Variants in KCNMA1 observed in about 807,000 individuals in gnomAD.
KCNMA1 encodes the protein Calcium-activated potassium channel subunit alpha-1.
Under a neutral mutation model 140.0 loss-of-function variants are expected in KCNMA1, and 29 were observed. The ratio of observed to expected loss-of-function variants is 0.21; its 90% CI spans 0.15 to 0.28. The LOEUF (loss-of-function observed/expected upper bound fraction) is 0.28. Ranked by LOEUF, KCNMA1 falls within the 10% of genes least tolerant of loss-of-function variation. The pLI is 1.00. For missense variants in KCNMA1, 880 were observed against 1,602.2 expected, an observed-to-expected ratio of 0.55 and a Z score of 7.70; for synonymous variants, 612 against 611.9, an observed-to-expected ratio of 1.00 and a Z score of 0.00.
intron 1 of KCNMA1, among the ~76,000 whole-genome samples, chr10:77,449,319 A>G (rs2154519039): frequency 6.6e-6 from 1 of 152,306 alleles, no homozygotes; most frequent in Admixed American, 6.5e-5. Flanking sequence ...AACTAGGGTG[A>G]TGCTATTAAA....
At chr10:77,147,127 G>A (rs1236538790) in intron 5 of KCNMA1, among the ~76,000 whole-genome samples, 2 of 152,234 alleles carry the variant, frequency 1.3e-5, no homozygotes, top group South Asian at 2.1e-4. Context: ...TGACAAGTGA[G>A]TAATCTGATG....
rs191401472 is a variant in KCNMA1 at position 77,142,602 on chromosome 10, C to T, written c.809-21554G>A. 2.0e-3 allele frequency among the ~76,000 whole-genome samples: 303 copies of T among 151,856 alleles called. 1 individual carries two copies. The highest frequency in any genetic ancestry group is 0.01 in the Middle Eastern group (3 of 294). On this transcript the variant is annotated intron_variant, in intron 5 of 27. Transcript: ENST00000286628. Reference sequence around the variant, plus strand: ...TTATGGTGATGGCAATTTTTTTAGGCCGAGGGAACAGCATGACGAATATCT... The same window carrying T: ...TTATGGTGATGGCAATTTTTTTAGGTCGAGGGAACAGCATGACGAATATCT...
intron 2 of KCNMA1, among the ~76,000 whole-genome samples, chr10:77,370,017 C>T (rs1392687969): frequency 6.6e-6 from 1 of 152,188 alleles, no homozygotes; most frequent in East Asian, 1.9e-4. Context: ...AAAGGCATGT[C>T]TCAGCTACAG....
chr10:77,279,837 T>G (rs1175455078), intron 2 of KCNMA1, among the ~76,000 whole-genome samples: 1 of 152,184 alleles, frequency 6.6e-6, no homozygotes, highest in African/African-American at 2.4e-5. Context: ...GCACAAGTTC[T>G]TTCTTGCCTG....
At chr10:76,968,746 T>G (rs2074950086) in intron 20 of KCNMA1, among the ~76,000 whole-genome samples, 1 of 152,158 alleles carries the variant, frequency 6.6e-6, no homozygotes, top group African/African-American at 2.4e-5. Flanking sequence ...GGCAGAGAAC[T>G]TTTAAGGAAA....
At chr10:76,977,749 C>A (rs1422865618) in intron 19 of KCNMA1, 1 of 653,886 alleles carries the variant, frequency 1.5e-6, no homozygotes, top group Non-Finnish European at 2.8e-6. Context: ...ACTGTCCCTA[C>A]CACCCAACCT....
chr10:77,304,250 G>A (rs1201373901), intron 2 of KCNMA1: 1 of 152,198 alleles, frequency 6.6e-6, no homozygotes, highest in Non-Finnish European at 1.5e-5. Flanking sequence ...ATGACTGAAT[G>A]TTTTTAGCAA....
intron 2 of KCNMA1, among the ~76,000 whole-genome samples, chr10:77,310,661 G>A (rs1020205678): frequency 1.3e-5 from 2 of 152,182 alleles, no homozygotes; most frequent in African/African-American, 4.8e-5. Context: ...GGAAATAGGA[G>A]GAATTTCTCC....
intron 6 of KCNMA1, among the ~76,000 whole-genome samples, chr10:77,114,593 T>G (rs1341913489): frequency 1.3e-5 from 2 of 152,200 alleles, no homozygotes; most frequent in Non-Finnish European, 2.9e-5. Flanking sequence ...TTTACTCAAC[T>G]TGAAAGCCCT....
At chr10:77,284,906 G>T (rs1289090157) in intron 2 of KCNMA1, among the ~76,000 whole-genome samples, 3 of 151,928 alleles carry the variant, frequency 2.0e-5, no homozygotes, top group South Asian at 2.1e-4. Context: ...TCAAATTAAG[G>T]TTATAACAGC....
At chr10:77,024,755 A>G (rs1393286123) in intron 16 of KCNMA1, among the ~76,000 whole-genome samples, 1 of 152,198 alleles carries the variant, frequency 6.6e-6, no homozygotes, top group African/African-American at 2.4e-5. Context: ...CAAGTGTGAT[A>G]ATCTGGCAAT....
rs117981753 is a variant in KCNMA1 at position 77,561,224 on chromosome 10, T to G, written c.378+76041A>C. On this transcript the variant is annotated intron_variant, in intron 1 of 27. Coordinates refer to ENST00000286628, the MANE Select transcript of KCNMA1 (RefSeq NM_001161352.2). ...TGCTATGGGCTTCACACACATTATCTCCCTGGATGGTATAGTAGTTATCTC... is the reference window on the plus strand; with the variant it reads ...TGCTATGGGCTTCACACACATTATCGCCCTGGATGGTATAGTAGTTATCTC... 5.1e-3 allele frequency among the ~76,000 whole-genome samples: 780 copies of G among 152,266 alleles called. 4 individuals are homozygous for G. The highest frequency in any genetic ancestry group is 7.6e-3 in the Non-Finnish European group (520 of 68,022).
intron 16 of KCNMA1, among the ~76,000 whole-genome samples, chr10:77,024,179 A>G (rs2093169521): frequency 6.6e-6 from 1 of 152,168 alleles, no homozygotes; most frequent in African/African-American, 2.4e-5. Context: ...ACATGCCTTC[A>G]CCACAAGATA....
chr10:77,351,026 C>A (rs1354003075), intron 2 of KCNMA1, among the ~76,000 whole-genome samples: 4 of 152,114 alleles, frequency 2.6e-5, no homozygotes, highest in Non-Finnish European at 5.9e-5. Flanking sequence ...GTCATTTGAA[C>A]AAAGATTCTG....
At chr10:76,920,212 A>C (rs2055137242) in intron 23 of KCNMA1, among the ~76,000 whole-genome samples, 1 of 151,482 alleles carries the variant, frequency 6.6e-6, no homozygotes, top group Admixed American at 6.6e-5. Flanking sequence ...ACTCAAAGCA[A>C]AGGCAAGAAT....
chr10:77,046,156 A>C (rs375551332), intron 14 of KCNMA1, among the ~76,000 whole-genome samples: 3 of 152,260 alleles, frequency 2.0e-5, no homozygotes, highest in Non-Finnish European at 4.4e-5. Flanking sequence ...ATTTTTAAAA[A>C]GTCTATCTGA....
Position 77,073,130 on chromosome 10 carries a change from A to T in KCNMA1, c.1716T>A (p.Leu572=), listed in dbSNP as rs1352985094. 4 of 1,614,200 alleles carry T rather than the reference A, an allele frequency of 2.5e-6. No individual in the cohort carries two copies. The highest frequency in any genetic ancestry group is 1.7e-5 in the Admixed American group (1 of 60,022). The stretch of plus-strand genomic sequence containing the variant: ...ATGACCTCATGGAGAAGAGGTTGGC[A>T]AGCATGGTGGAGAGGCCTTGAGCCA... ...SCLAQGLSTM[L]ANLFSMRSFI... The change falls in exon 14 of 28, where the codon CTT becomes CTA. Residue 572 remains leucine, a synonymous_variant. Coordinates refer to ENST00000286628, the MANE Select transcript of KCNMA1 (RefSeq NM_001161352.2).
At chr10:77,358,117 A>G (rs1385893653) in intron 2 of KCNMA1, among the ~76,000 whole-genome samples, 1 of 152,206 alleles carries the variant, frequency 6.6e-6, no homozygotes, top group African/African-American at 2.4e-5. Flanking sequence ...GGGGATGTTA[A>G]GGAAAAGCAG....
chr10:77,402,250 G>T (rs11002157), intron 2 of KCNMA1, among the ~76,000 whole-genome samples: 8,706 of 152,208 alleles, frequency 0.057, 364 homozygotes, highest in East Asian at 0.18. Context: ...CTTCAGTCAA[G>T]AGGCAGGAGG....
Sources: gnomAD v4.1 joint callset for allele counts (sites outside exome capture counted in the v4.1 genomes callset) on GRCh38, gnomAD v4.1.1 for gene constraint, MANE v1.5 for transcripts, NCBI Gene and HGNC (gene_info 2026-07-23, HGNC 2026-07-21) for gene names.